Variants in IGF1R observed in about 807,000 individuals in gnomAD.
IGF1R encodes the protein insulin-like growth factor 1 receptor.
Under a neutral mutation model 144.6 loss-of-function variants are expected in IGF1R, and 44 were observed. That is an observed-to-expected ratio of 0.30 (90% CI 0.24 to 0.39). IGF1R has a LOEUF of 0.39. Ranked by LOEUF, IGF1R falls within the 10% of genes least tolerant of loss-of-function variation. The pLI is 1.00. For missense variants in IGF1R, 1,355 were observed against 1,833.7 expected (o/e 0.74, Z 4.77); for synonymous variants, 795 against 722.8 (o/e 1.10, Z -1.60).
chr15:98,787,348 A>T (rs1454587715), intron 2 of IGF1R, among the ~76,000 whole-genome samples: 1 of 152,200 alleles, frequency 6.6e-6, no homozygotes, highest in African/African-American at 2.4e-5. Flanking sequence ...AAACACCTTC[A>T]AACAAACCCA....
chr15:98,715,528 G>A lies in IGF1R; in HGVS notation c.640+7421G>A, dbSNP rs576134684. On this transcript the variant is annotated intron_variant, in intron 2 of 20. Coordinates refer to ENST00000650285, the MANE Select transcript of IGF1R (RefSeq NM_000875.5). ...CTTGAAAAGCCTCTTTCTTTGTTGC[G>A]TTAATACCTCTGTCTTGCTTTCCTC... is the stretch of plus-strand genomic sequence containing the variant. Among the ~76,000 whole-genome samples, 42 of 152,248 alleles carry A rather than the reference G, an allele frequency of 2.8e-4. 1 individual carries two copies. Among genetic ancestry groups the A allele is most frequent in the African/African-American group, 9.4e-4 (39 of 41,522 alleles).
At chr15:98,909,211 C>A (rs974352734) in intron 6 of IGF1R, among the ~76,000 whole-genome samples, 3 of 151,132 alleles carry the variant, frequency 2.0e-5, no homozygotes, top group Non-Finnish European at 4.4e-5. Context: ...CACAGGTGCA[C>A]AGTTAGATAT....
At chr15:98,939,620 T>A (rs182512692) in intron 18 of IGF1R, among the ~76,000 whole-genome samples, 4 of 152,344 alleles carry the variant, frequency 2.6e-5, no homozygotes, top group African/African-American at 9.6e-5. Context: ...TTGAGGCATT[T>A]CTTGGTAGAA....
intron 3 of IGF1R, among the ~76,000 whole-genome samples, chr15:98,895,937 A>G (rs1044679003): frequency 6.6e-6 from 1 of 152,104 alleles, no homozygotes; most frequent in Non-Finnish European, 1.5e-5. Context: ...ATATATAACT[A>G]TAGATCCCAA....
chr15:98,662,976 G>A (rs964289475), intron 1 of IGF1R, among the ~76,000 whole-genome samples: 2 of 152,168 alleles, frequency 1.3e-5, no homozygotes, highest in African/African-American at 2.4e-5. Flanking sequence ...GTGTTCTGGG[G>A]AGGCTGCTCT....
intron 2 of IGF1R, among the ~76,000 whole-genome samples, chr15:98,818,879 A>G: frequency 6.6e-6 from 1 of 152,110 alleles, no homozygotes; most frequent in Non-Finnish European, 1.5e-5. Flanking sequence ...TTTGTAGTGG[A>G]TAGATTTAGG....
At position 98,699,593 on chromosome 15, in the gene IGF1R, C is replaced by G. The variant is rs531513421; in HGVS notation, c.95-7969C>G. Among the ~76,000 whole-genome samples, 9 of 152,298 alleles carry G rather than the reference C, an allele frequency of 5.9e-5. No individual in the cohort carries two copies. In the East Asian group the frequency reaches 9.7e-4, roughly 16 times the overall value. ...AATTCTGCGCCAGTCTGTTTGGCTA[C>G]AGATGCTTTCAGTGGAGGGGACACT... On this transcript the variant is annotated intron_variant, in intron 1 of 20. Transcript: ENST00000650285.
intron 4 of IGF1R, among the ~76,000 whole-genome samples, chr15:98,898,188 G>T (rs1179803957): frequency 6.6e-6 from 1 of 152,100 alleles, no homozygotes; most frequent in African/African-American, 2.4e-5. Flanking sequence ...AATTCTTTTG[G>T]CTGTGTCTGC....
chr15:98,720,706 TAA>T (rs1337669534), intron 2 of IGF1R, among the ~76,000 whole-genome samples: 1 of 152,234 alleles, frequency 6.6e-6, no homozygotes, highest in African/African-American at 2.4e-5. Flanking sequence ...GGATTGATGT[TAA>T]GTCTTAGATC....
intron 2 of IGF1R, among the ~76,000 whole-genome samples, chr15:98,737,387 G>C (rs1384747319): frequency 2.6e-5 from 4 of 152,116 alleles, no homozygotes; most frequent in Non-Finnish European, 5.9e-5. Context: ...GCGAGGATTT[G>C]GAACCCTTGC....
At chr15:98,867,204 C>G (rs1180544331) in intron 2 of IGF1R, among the ~76,000 whole-genome samples, 1 of 150,878 alleles carries the variant, frequency 6.6e-6, no homozygotes, top group Admixed American at 6.6e-5. Flanking sequence ...TTCTAAACAA[C>G]TTTAGGAATA....
intron 2 of IGF1R, among the ~76,000 whole-genome samples, chr15:98,782,694 A>C (rs918936277): frequency 6.6e-6 from 1 of 152,232 alleles, no homozygotes; most frequent in African/African-American, 2.4e-5. Context: ...TTAGTATTAC[A>C]AATAACTCTG....
At chr15:98,742,137 A>C (rs2054759877) in intron 2 of IGF1R, among the ~76,000 whole-genome samples, 1 of 152,180 alleles carries the variant, frequency 6.6e-6, no homozygotes, top group African/African-American at 2.4e-5. Context: ...TTCACCTGAC[A>C]TTCAGCTGGG....
chr15:98,659,282 C>G (rs1050818771), intron 1 of IGF1R, among the ~76,000 whole-genome samples: 1 of 152,002 alleles, frequency 6.6e-6, no homozygotes, highest in African/African-American at 2.4e-5. Context: ...TGCAGTTTGC[C>G]TTCCATTTCA....
intron 2 of IGF1R, among the ~76,000 whole-genome samples, chr15:98,728,359 T>G (rs1255297517): frequency 6.6e-6 from 1 of 152,180 alleles, no homozygotes; most frequent in African/African-American, 2.4e-5. Flanking sequence ...TGTCTTTGAC[T>G]GGAGGGGCCT....
At chr15:98,910,562 T>C (rs1262586291) in intron 6 of IGF1R, among the ~76,000 whole-genome samples, 1 of 152,218 alleles carries the variant, frequency 6.6e-6, no homozygotes, top group Non-Finnish European at 1.5e-5. Flanking sequence ...TGGGTCTCCA[T>C]GAGGGTGGGC....
chr15:98,870,763 G>A (rs1032484868), intron 2 of IGF1R, among the ~76,000 whole-genome samples: 1 of 152,180 alleles, frequency 6.6e-6, no homozygotes, highest in African/African-American at 2.4e-5. Flanking sequence ...ATGAGTGAAT[G>A]CAACTTCCTT....
chr15:98,679,144 G>A (rs562289214), intron 1 of IGF1R, among the ~76,000 whole-genome samples: 1 of 151,948 alleles, frequency 6.6e-6, no homozygotes, highest in Admixed American at 6.6e-5. Flanking sequence ...GGGATCAAGC[G>A]ACCCTCCTCC....
intron 2 of IGF1R, among the ~76,000 whole-genome samples, chr15:98,797,870 A>C (rs999881054): frequency 1.3e-5 from 2 of 152,180 alleles, no homozygotes; most frequent in African/African-American, 4.8e-5. Context: ...AAGTGCTATG[A>C]AAAAAATACA....
Sources: allele counts gnomAD v4.1 joint callset (sites outside exome capture counted in the v4.1 genomes callset), GRCh38; gene constraint gnomAD v4.1.1; transcripts MANE v1.5; gene names NCBI Gene and HGNC (gene_info 2026-07-23, HGNC 2026-07-21).